TRIM15: variants seen among roughly 807,000 people sequenced by gnomAD.
TRIM15 encodes the protein E3 ubiquitin-protein ligase TRIM15.
In TRIM15, 35 loss-of-function variants were observed where a neutral mutation model predicts 35.8. The observed-to-expected ratio is 0.98, with a 90% CI of 0.75 to 1.30. The LOEUF (loss-of-function observed/expected upper bound fraction) is 1.30, where lower values mean the gene tolerates loss of function less well. Among genes scored for constraint, TRIM15 ranks in the 50% most tolerant of loss-of-function variants. The pLI is 0.00. For missense variants in TRIM15, 590 were observed against 593.5 expected (o/e 0.99, Z 0.06); for synonymous variants, 252 against 249.8 (o/e 1.01, Z -0.08).
At chr6:30,164,877 G>T (rs1773476383) in intron 1 of TRIM15, among the ~76,000 whole-genome samples, 1 of 152,130 alleles carries the variant, frequency 6.6e-6, no homozygotes, top group Non-Finnish European at 1.5e-5. Flanking sequence ...AAGGCCCTTT[G>T]CAGTCGGGAT....
Position 30,169,330 on chromosome 6 carries a change from G to A in TRIM15, c.731+67G>A, listed in dbSNP as rs1773850611. 7 of 1,580,458 alleles carry A rather than the reference G, an allele frequency of 4.4e-6. No individual in the cohort carries two copies. The Admixed American group carries it at 1.2e-4, about 26-fold the overall frequency. On this transcript the variant is annotated intron_variant, in intron 4 of 6. Coordinates refer to ENST00000376694, the MANE Select transcript of TRIM15 (RefSeq NM_033229.3). ...CAAGACTGAATGGGAAGGGGCAGGG[G>A]CACTTACTGCCACCCACTTTGCCAG...
rs774642498 is a variant in TRIM15 at position 30,172,190 on chromosome 6, C to T, written c.1239C>T (p.Arg413=). The T allele has an allele frequency of 2.5e-5, 41 of 1,608,504 alleles. No homozygotes were observed. The highest frequency in any genetic ancestry group is 3.4e-5 in the Non-Finnish European group (40 of 1,178,038). The change falls in exon 7 of 7, where the codon CGC becomes CGT. Residue 413 remains arginine, a synonymous_variant. Coordinates refer to ENST00000376694, the MANE Select transcript of TRIM15 (RefSeq NM_033229.3). ...GTDLPLSEIP[R]GVRVALDYEA... ...ACCTGCCGCTGAGCGAGATCCCGCG[C>T]GGCGTGAGAGTCGCCCTGGACTACG... is the stretch of plus-strand genomic sequence containing the variant.
intron 2 of TRIM15, 31 bp from the exon 3 acceptor site, chr6:30,168,269 C>T (rs1344999622): frequency 2.5e-6 from 4 of 1,594,322 alleles, no homozygotes; most frequent in East Asian, 4.5e-5. Context: ...TGAGCCCCTT[C>T]CTAACCATGT....
At chr6:30,167,914 C>T (rs950717736) in intron 2 of TRIM15, among the ~76,000 whole-genome samples, 4 of 152,186 alleles carry the variant, frequency 2.6e-5, no homozygotes, top group African/African-American at 9.7e-5. Context: ...CAAAATTACA[C>T]ACTCTCCCAC....
chr6:30,163,691 G>A lies in TRIM15; in HGVS notation c.7G>A (p.Ala3Thr), dbSNP rs201508191. 111 of 1,605,052 alleles carry A rather than the reference G, an allele frequency of 6.9e-5. No individual in the cohort carries two copies. Among genetic ancestry groups the A allele is most frequent in the Non-Finnish European group, 8.4e-5 (99 of 1,175,464 alleles). Residue 3 changes from alanine to threonine, a missense_variant, in exon 1 of 7, where the codon GCA (alanine) becomes ACA (threonine). Ala to Thr is a moderately conservative substitution (Grantham distance 58). Transcript: ENST00000376694. ...GGCTGGGGAAGGCACCGTGATGCCC[G>A]CAACCCCGTCCCTGAAGGTGGTCCA... The part of the protein sequence containing the change: MP[A>T]TPSLKVVHEL...
chr6:30,163,721 C>T lies in TRIM15; in HGVS notation c.37C>T (p.Leu13=). ...ATPSLKVVHE[L]PACTLCAGPL... ...CCCGTCCCTGAAGGTGGTCCATGAG[C>T]TGCCTGCCTGTACCCTCTGTGCGGG... The change falls in exon 1 of 7, where the codon CTG becomes TTG. Residue 13 remains leucine, a synonymous_variant. Transcript: ENST00000376694. The T allele has an allele frequency of 6.2e-7, 1 of 1,612,484 alleles. No homozygotes were observed. The highest frequency in any genetic ancestry group is 8.5e-7 in the Non-Finnish European group (1 of 1,179,770).
chr6:30,169,629 A>G (rs1773870223), intron 4 of TRIM15: 1 of 462,066 alleles, frequency 2.2e-6, no homozygotes, highest in African/African-American at 2.0e-5. Context: ...TCTGTAGACT[A>G]TGATAAGCAT....
rs2127461528 is a variant in TRIM15 at position 30,171,000 on chromosome 6, T to C, written c.872T>C (p.Ile291Thr). 3 of 1,611,702 alleles carry C rather than the reference T, an allele frequency of 1.9e-6. No individual in the cohort carries two copies. In the East Asian group the frequency reaches 6.7e-5, roughly 36 times the overall value. ...FSENLAHHLEIDSGVITLDPQ... is the reference protein window; with the variant it reads ...FSENLAHHLETDSGVITLDPQ... ...GAAAACTTGGCGCATCATCTGGAAA[T>C]AGATTCAGGTAAACAGCTTGGGATT... Residue 291 changes from isoleucine (I) to threonine (T), a missense_variant, in exon 6 of 7, where the codon ATA becomes ACA. Transcript: ENST00000376694.
rs781599551 is a variant in TRIM15, at chr6:30,171,869, C to G, written c.918C>G (p.Ser306Arg). ...ITLDPQTASR[S>R]LVLSEDRKSV... ...TGGACCCTCAGACCGCCAGCCGGAG[C>G]CTGGTTCTCTCGGAAGACAGGAAGT... Residue 306 changes from serine (S) to arginine (R), a missense_variant, in exon 7 of 7, where the codon AGC (serine) becomes AGG (arginine). Coordinates refer to ENST00000376694, the MANE Select transcript of TRIM15 (RefSeq NM_033229.3). 3 of 1,590,776 alleles carry G rather than the reference C, an allele frequency of 1.9e-6. No homozygotes were observed. The African/African-American group carries it at 4.0e-5, about 21-fold the overall frequency.
chr6:30,167,481 A>C (rs1278972107), intron 2 of TRIM15, among the ~76,000 whole-genome samples: 2 of 152,210 alleles, frequency 1.3e-5, no homozygotes, highest in East Asian at 3.8e-4. Context: ...TCCATCTTGT[A>C]TATCACATTT....
intron 6 of TRIM15, 51 bp downstream of exon 6, chr6:30,171,059 C>G: frequency 6.3e-7 from 1 of 1,581,858 alleles, no homozygotes; most frequent in Non-Finnish European, 8.6e-7. Flanking sequence ...CCATTCAATC[C>G]ATGGCAGCAA....
chr6:30,170,780 C>A (rs919783011), intron 5 of TRIM15, among the ~76,000 whole-genome samples, 164 bp downstream of exon 5: 1 of 152,160 alleles, frequency 6.6e-6, no homozygotes. Flanking sequence ...ATTCCCAGAG[C>A]ATCTCCTCCA....
At position 30,163,665 on chromosome 6, in the gene TRIM15, G is replaced by C. The variant is rs1205890022; in HGVS notation, c.-20G>C. Reference sequence around the variant, plus strand: ...GTGGGCTGAGGAGACCGGAGTGGACGGGCTGGGGAAGGCACCGTGATGCCC... The same window carrying C: ...GTGGGCTGAGGAGACCGGAGTGGACCGGCTGGGGAAGGCACCGTGATGCCC... On this transcript the variant is annotated 5_prime_UTR_variant, in exon 1 of 7. Coordinates refer to ENST00000376694, the MANE Select transcript of TRIM15 (RefSeq NM_033229.3). 1.9e-6 allele frequency: 3 copies of C among 1,584,886 alleles called. No individual in the cohort carries two copies. The highest frequency in any genetic ancestry group is 2.6e-6 in the Non-Finnish European group (3 of 1,163,908).
At position 30,167,239 on chromosome 6, in the gene TRIM15, T is replaced by A; in HGVS notation, c.445T>A (p.Cys149Ser). 6.2e-7 allele frequency: 1 copy of A among 1,613,072 alleles called. No individual in the cohort carries two copies. The change falls in exon 2 of 7, where the codon TGT becomes AGT. Residue 149 changes from cysteine (C) to serine (S), a missense_variant. By Grantham distance (112) the Cys-to-Ser change is moderately radical. Transcript: ENST00000376694. ...GAGAGATGAGATTGAGGATGTAAAGTGTCAAGAAGACCAGAAGCTTCAAGT... is the reference window on the plus strand; with the variant it reads ...GAGAGATGAGATTGAGGATGTAAAGAGTCAAGAAGACCAGAAGCTTCAAGT... ...TERDEIEDVK[C>S]QEDQKLQVLL... is the part of the protein sequence containing the mutation.
chr6:30,163,643 G>A lies in TRIM15; in HGVS notation c.-42G>A. ...ATTTCAGGGAAAGGGAACTCGCGTG[G>A]GCTGAGGAGACCGGAGTGGACGGGC... On this transcript the variant is annotated 5_prime_UTR_variant, in exon 1 of 7. Coordinates refer to ENST00000376694, the MANE Select transcript of TRIM15 (RefSeq NM_033229.3). The A allele has an allele frequency of 1.3e-6, 2 of 1,562,326 alleles. No individual in the cohort carries two copies. Among genetic ancestry groups the A allele is most frequent in the African/African-American group, 2.7e-5 (2 of 74,222 alleles).
chr6:30,169,369 C>A, intron 4 of TRIM15, 106 bp downstream of exon 4: 2 of 1,190,876 alleles, frequency 1.7e-6, no homozygotes, highest in Non-Finnish European at 2.5e-6. Context: ...AGCAAAGGCA[C>A]TCTGGCAGAC....
At chr6:30,171,776 C>G (rs1208927703) in intron 6 of TRIM15, 56 bp from the exon 7 acceptor site, 1 of 1,459,294 alleles carries the variant, frequency 6.9e-7, no homozygotes, top group Admixed American at 2.7e-5. Context: ...GTTGCCTGCT[C>G]TAGGAACATC....
chr6:30,168,648 T>C (rs988606074), intron 3 of TRIM15, 118 bp downstream of exon 3: 2 of 993,234 alleles, frequency 2.0e-6, no homozygotes, highest in African/African-American at 3.2e-5. Context: ...GTTAACGGGG[T>C]GCAGATCCAG....
intron 5 of TRIM15, 133 bp from the exon 6 acceptor site, chr6:30,170,840 TCTC>T (rs1773961059): frequency 9.9e-7 from 1 of 1,014,660 alleles, no homozygotes; most frequent in Admixed American, 2.3e-5. Flanking sequence ...TGAGGACCCT[TCTC>T]CTCCACTAGA....
Sources: gnomAD v4.1 joint callset for allele counts (sites outside exome capture counted in the v4.1 genomes callset) on GRCh38, gnomAD v4.1.1 for gene constraint, MANE v1.5 for transcripts, NCBI Gene and HGNC (gene_info 2026-07-23, HGNC 2026-07-21) for gene names.